Variants in PCCB observed in about 807,000 individuals in gnomAD.
PCCB encodes the protein propionyl-CoA carboxylase subunit beta.
PCCB carries 43 observed loss-of-function variants against 60.7 expected under a neutral mutation model. That is an observed-to-expected ratio of 0.71 (90% CI 0.55 to 0.91). The LOEUF (loss-of-function observed/expected upper bound fraction) is 0.91. Ranked by LOEUF, PCCB falls within the 40% of genes least tolerant of loss-of-function variation. The probability of loss-of-function intolerance (pLI) is 0.00; values close to 1 mark genes in which losing one functional copy is unlikely to be tolerated. For missense variants in PCCB, 766 were observed against 702.8 expected, an observed-to-expected ratio of 1.09 and a Z score of -1.02; for synonymous variants, 276 against 255.9, an observed-to-expected ratio of 1.08 and a Z score of -0.75.
At chr3:136,280,773 A>G (rs535444722) in intron 5 of PCCB, among the ~76,000 whole-genome samples, 15 of 152,254 alleles carry the variant, frequency 9.9e-5, no homozygotes, top group African/African-American at 3.4e-4. Flanking sequence ...CAGTCTTCCT[A>G]CCTTGGCCTT....
At chr3:136,271,183 G>T (rs969091002) in intron 5 of PCCB, among the ~76,000 whole-genome samples, 1 of 152,066 alleles carries the variant, frequency 6.6e-6, no homozygotes, top group Admixed American at 6.6e-5. Flanking sequence ...CTTAGTCATG[G>T]ATTTTTTGCC....
chr3:136,250,732 C>T (rs776051690), intron 1 of PCCB, among the ~76,000 whole-genome samples, 174 bp downstream of exon 1: 8 of 152,220 alleles, frequency 5.3e-5, no homozygotes, highest in Non-Finnish European at 1.2e-4. Context: ...CGGGTATAAC[C>T]AGCAGAAGCA....
At chr3:136,328,202 C>T (rs1479913211) in intron 13 of PCCB, among the ~76,000 whole-genome samples, 3 of 152,084 alleles carry the variant, frequency 2.0e-5, no homozygotes, top group Non-Finnish European at 4.4e-5. Context: ...TGACCTATTC[C>T]TCACTCCTCC....
chr3:136,262,955 T>C (rs1179693362), intron 5 of PCCB, among the ~76,000 whole-genome samples: 1 of 53,856 alleles, frequency 1.9e-5, no homozygotes, highest in Non-Finnish European at 4.8e-5. Flanking sequence ...CTGGAGGAGG[T>C]TTTTTTTTTT....
intron 13 of PCCB, 129 bp from the exon 14 acceptor site, chr3:136,328,629 A>G: frequency 1.4e-6 from 1 of 738,754 alleles, no homozygotes; most frequent in South Asian, 1.5e-5. Context: ...TATGGCCTTT[A>G]GAGATGGCAC....
At chr3:136,256,404 A>G in intron 2 of PCCB, 151 bp from the exon 3 acceptor site, 1 of 687,926 alleles carries the variant, frequency 1.5e-6, no homozygotes, top group East Asian at 2.7e-5. Context: ...TAGAGCTGGG[A>G]AAGTGGGGTG....
chr3:136,321,592 C>G (rs567253995), intron 10 of PCCB, among the ~76,000 whole-genome samples: 2 of 152,180 alleles, frequency 1.3e-5, no homozygotes, highest in African/African-American at 2.4e-5. Context: ...CACACTATCA[C>G]GAGAACAGCG....
At chr3:136,268,087 GATATATATATA>G (rs1942066395) in intron 5 of PCCB, among the ~76,000 whole-genome samples, 127 of 93,794 alleles carry the variant, frequency 1.4e-3, no homozygotes, top group African/African-American at 5.6e-3. Context: ...TGTGTGTGTA[GATATATATATA>G]TATATATATA....
intron 6 of PCCB, among the ~76,000 whole-genome samples, chr3:136,284,888 AC>A (rs1465794986): frequency 6.6e-6 from 1 of 152,006 alleles, no homozygotes; most frequent in Non-Finnish European, 1.5e-5. Flanking sequence ...GGAGTTTTAG[AC>A]CAGCCTAGGC....
Position 136,327,362 on chromosome 3 carries a change from T to C in PCCB, c.1299+107T>C, listed in dbSNP as rs1258636255. On this transcript the variant is annotated intron_variant, in intron 12 of 14. Coordinates refer to ENST00000251654, the MANE Select transcript of PCCB (RefSeq NM_000532.5). ...CAGGGCTGGAAGGAGTACACCTTGCTCATCCTTAAAAAGATCTCTTGAGGA... is the reference window on the plus strand; with the variant it reads ...CAGGGCTGGAAGGAGTACACCTTGCCCATCCTTAAAAAGATCTCTTGAGGA... The C allele has an allele frequency of 4.7e-6, 4 of 847,730 alleles. 1 individual carries two copies. Among genetic ancestry groups the C allele is most frequent in the Admixed American group, 3.9e-5 (2 of 51,138 alleles). The allele number at this position is 847,730 out of a possible 1,614,324, so 52.5% of individuals were successfully genotyped here. A position where few individuals can be genotyped will look rare whatever the true frequency, so the allele number is the denominator to read the frequency against.
chr3:136,255,061 A>G (rs1314225599), intron 1 of PCCB, among the ~76,000 whole-genome samples: 3 of 151,528 alleles, frequency 2.0e-5, no homozygotes, highest in African/African-American at 7.3e-5. Flanking sequence ...TCTTTAATAG[A>G]GATGGGGTTT....
intron 3 of PCCB, 175 bp from the exon 4 acceptor site, chr3:136,260,304 C>T (rs547185060): frequency 2.9e-6 from 2 of 688,586 alleles, no homozygotes; most frequent in Admixed American, 2.1e-5. Flanking sequence ...TCTCAGACTC[C>T]TGGACTCAAG....
intron 9 of PCCB, among the ~76,000 whole-genome samples, chr3:136,315,613 G>T (rs527367542): frequency 6.6e-6 from 1 of 151,734 alleles, no homozygotes; most frequent in Admixed American, 6.6e-5. Flanking sequence ...GGTGGATTGC[G>T]TGAGGCCAAG....
intron 5 of PCCB, among the ~76,000 whole-genome samples, chr3:136,263,879 G>A (rs932604644): frequency 6.6e-6 from 1 of 152,038 alleles, no homozygotes; most frequent in South Asian, 2.1e-4. Context: ...GGGCATGGTG[G>A]CACATGCCTG....
chr3:136,325,138 C>G (rs1235820592), intron 10 of PCCB, among the ~76,000 whole-genome samples: 2 of 152,098 alleles, frequency 1.3e-5, no homozygotes, highest in Non-Finnish European at 2.9e-5. Flanking sequence ...GATCCGCCCA[C>G]CTTGGCCTCC....
chr3:136,321,178 T>C (rs1935095384), intron 10 of PCCB, among the ~76,000 whole-genome samples: 1 of 152,214 alleles, frequency 6.6e-6, no homozygotes, highest in Admixed American at 6.5e-5. Context: ...TGGATCACAG[T>C]GTATAACCTC....
At chr3:136,285,373 G>A (rs1025265498) in intron 6 of PCCB, among the ~76,000 whole-genome samples, 1 of 151,776 alleles carries the variant, frequency 6.6e-6, no homozygotes, top group African/African-American at 2.4e-5. Context: ...AGTATCTTCA[G>A]TCTGTCCGTT....
intron 1 of PCCB, among the ~76,000 whole-genome samples, chr3:136,253,664 ATTTTTTT>A (rs35923895): frequency 4.1e-5 from 5 of 123,446 alleles, no homozygotes; most frequent in African/African-American, 1.2e-4. Flanking sequence ...GGATGACAGA[ATTTTTTT>A]TTTTTTTTTT....
chr3:136,315,958 G>A (rs1934877810), intron 9 of PCCB, among the ~76,000 whole-genome samples: 1 of 152,034 alleles, frequency 6.6e-6, no homozygotes, highest in Non-Finnish European at 1.5e-5. Context: ...AGTGGCTCAC[G>A]CCTGTAATCA....
Sources: allele counts gnomAD v4.1 joint callset (sites outside exome capture counted in the v4.1 genomes callset), GRCh38; gene constraint gnomAD v4.1.1; transcripts MANE v1.5; gene names NCBI Gene and HGNC (gene_info 2026-07-23, HGNC 2026-07-21).